The following LSM3 variants were observed in gnomAD, a reference collection of about 807,000 sequenced individuals.
LSM3 encodes LSM3 homolog, U6 small nuclear RNA and mRNA degradation associated.
A neutral mutation model predicts 15.4 loss-of-function variants in LSM3; 14 were observed. The observed-to-expected ratio is 0.91, with a 90% CI of 0.60 to 1.42. The LOEUF is 1.42. LSM3 is among the 40% of genes most tolerant of loss of function. LSM3 has a pLI of 0.00. For synonymous variants in LSM3, 46 were observed against 45.1 expected (o/e 1.02, Z -0.08); for missense variants, 88 against 127.9 (o/e 0.69, Z 1.50).
rs1574992296 is a variant in LSM3 at position 14,200,617 on chromosome 3, T to C, written c.*2501T>C. ...TATGAGAGGCCGATATGAATTGCCA[T>C]TGCCTCCCACAAAGAAAAATGGACA... On this transcript the variant is annotated 3_prime_UTR_variant, in exon 4 of 4. Coordinates refer to ENST00000306024, the MANE Select transcript of LSM3 (RefSeq NM_014463.3). The C allele has an allele frequency of 1.3e-5, 2 of 152,182 alleles. No homozygotes were observed. Among genetic ancestry groups the C allele is most frequent in the African/African-American group, 4.8e-5 (2 of 41,440 alleles). 9.4% of individuals were successfully genotyped at this position (152,182 alleles called of 1,614,324 possible).
intron 1 of LSM3, 88 bp downstream of exon 1, chr3:14,178,969 C>T: frequency 7.0e-7 from 1 of 1,428,222 alleles, no homozygotes; most frequent in South Asian, 1.1e-5. Flanking sequence ...AGTCGTGCCT[C>T]CTCTCTCCAA....
chr3:14,180,760 G>A (rs1335361272), intron 1 of LSM3, among the ~76,000 whole-genome samples: 1 of 139,172 alleles, frequency 7.2e-6, no homozygotes, highest in African/African-American at 2.7e-5. Context: ...GTTCATAAAT[G>A]TCAGGTCACA....
intron 1 of LSM3, among the ~76,000 whole-genome samples, chr3:14,179,100 A>AT (rs3731053): frequency 1.6e-4 from 25 of 152,080 alleles, no homozygotes; most frequent in African/African-American, 6.0e-4. Flanking sequence ...TCTTCGCTTC[A>AT]TTTTTTTAAA....
In LSM3 at chr3:14,200,434, C is replaced by T. The variant is rs1697224527; in HGVS notation, c.*2318C>T. The T allele has an allele frequency of 6.6e-6, 1 of 152,312 alleles. No individual in the cohort carries two copies. The allele number at this position is 152,312 out of a possible 1,614,324, so 9.4% of individuals were successfully genotyped here. A position where few individuals can be genotyped will look rare whatever the true frequency, so the allele number is the denominator to read the frequency against. On this transcript the variant is annotated 3_prime_UTR_variant, in exon 4 of 4. Coordinates refer to ENST00000306024, the MANE Select transcript of LSM3 (RefSeq NM_014463.3). ...GTGTGAGGGCCCCTGGGAGCCACGC[C>T]TTGGACTTCTGAGTCTGCAGAGCAC...
At chr3:14,181,012 C>T (rs545067071) in intron 1 of LSM3, among the ~76,000 whole-genome samples, 9 of 151,986 alleles carry the variant, frequency 5.9e-5, no homozygotes, top group African/African-American at 2.2e-4. Context: ...CCACCATGCC[C>T]GGCTAAGCCA....
chr3:14,196,008 A>G (rs1697184005), intron 3 of LSM3, among the ~76,000 whole-genome samples: 1 of 149,004 alleles, frequency 6.7e-6, no homozygotes, highest in Admixed American at 6.8e-5. Flanking sequence ...GCTGGAGTGC[A>G]GTGGCGCAAT....
At chr3:14,185,799 A>C (rs771578703) in intron 3 of LSM3, among the ~76,000 whole-genome samples, 3 of 152,236 alleles carry the variant, frequency 2.0e-5, no homozygotes, top group Non-Finnish European at 2.9e-5. Flanking sequence ...ATTTGGTTAC[A>C]TCAGGCACTG....
At chr3:14,190,658 T>C (rs1697130937) in intron 3 of LSM3, among the ~76,000 whole-genome samples, 1 of 152,248 alleles carries the variant, frequency 6.6e-6, no homozygotes, top group Non-Finnish European at 1.5e-5. Context: ...GAGACTTCGC[T>C]GAAGTTGCCT....
chr3:14,195,455 T>A (rs1351692151), intron 3 of LSM3, among the ~76,000 whole-genome samples: 1 of 151,260 alleles, frequency 6.6e-6, no homozygotes, highest in East Asian at 1.9e-4. Context: ...CAAAGGGCTT[T>A]AAAAAAAAAA....
At position 14,181,688 on chromosome 3, in the gene LSM3, G is replaced by C; in HGVS notation, c.132+18G>C. Reference sequence around the variant, plus strand: ...GATTACATGTAAGTAAATTTATCAAGTTACCTTGAAATCAGATTCCTTCCT... The same window carrying C: ...GATTACATGTAAGTAAATTTATCAACTTACCTTGAAATCAGATTCCTTCCT... On this transcript the variant is annotated intron_variant, in intron 2 of 3. Transcript: ENST00000306024. The C allele has an allele frequency of 6.5e-7, 1 of 1,544,452 alleles. No individual in the cohort carries two copies. The highest frequency in any genetic ancestry group is 9.0e-7 in the Non-Finnish European group (1 of 1,116,626).
intron 3 of LSM3, among the ~76,000 whole-genome samples, chr3:14,184,273 A>G (rs552806196): frequency 2.5e-4 from 38 of 152,296 alleles, no homozygotes; most frequent in Non-Finnish European, 3.4e-4. Context: ...CTCATTGGTG[A>G]GCAGGAATAC....
chr3:14,193,815 C>G (rs532293076), intron 3 of LSM3, among the ~76,000 whole-genome samples: 2 of 152,292 alleles, frequency 1.3e-5, no homozygotes, highest in South Asian at 4.1e-4. Context: ...TAGCTTTGTT[C>G]CCTTGCTGGC....
rs901915982 is a variant in LSM3, at chr3:14,200,789, T to C, written c.*2673T>C. The C allele has an allele frequency of 6.6e-6, 1 of 152,230 alleles. No homozygotes were observed. Among genetic ancestry groups the C allele is most frequent in the African/African-American group, 2.4e-5 (1 of 41,452 alleles). The allele number at this position is 152,230 out of a possible 1,614,324, so 9.4% of individuals were successfully genotyped here. A position where few individuals can be genotyped will look rare whatever the true frequency, so the allele number is the denominator to read the frequency against. Reference sequence around the variant, plus strand: ...TGAAGATTTGCCCAAACTAGAGTACTATCCCTCTTCACACTAAGAGGCAGA... The same window carrying C: ...TGAAGATTTGCCCAAACTAGAGTACCATCCCTCTTCACACTAAGAGGCAGA... On this transcript the variant is annotated 3_prime_UTR_variant, in exon 4 of 4. Transcript: ENST00000306024.
chr3:14,183,517 ATCT>A, intron 2 of LSM3, among the ~76,000 whole-genome samples: 1 of 152,352 alleles, frequency 6.6e-6, no homozygotes, highest in Admixed American at 6.5e-5. Context: ...AAAGGATTTT[ATCT>A]TCTTTACTGT....
intron 2 of LSM3, among the ~76,000 whole-genome samples, chr3:14,183,442 C>G (rs1697058592): frequency 6.6e-6 from 1 of 152,194 alleles, no homozygotes; most frequent in African/African-American, 2.4e-5. Flanking sequence ...CTTACTTTCT[C>G]TCTGCGACAT....
At chr3:14,193,425 A>T (rs1296837446) in intron 3 of LSM3, among the ~76,000 whole-genome samples, 1 of 152,200 alleles carries the variant, frequency 6.6e-6, no homozygotes, top group Non-Finnish European at 1.5e-5. Context: ...AATCAAATGT[A>T]GATTTGTTCT....
At chr3:14,196,130 T>TTA (rs1280611993) in intron 3 of LSM3, among the ~76,000 whole-genome samples, 1 of 151,856 alleles carries the variant, frequency 6.6e-6, no homozygotes, top group African/African-American at 2.4e-5. Context: ...TTTTTTTTTT[T>TTA]ATATTTTTAG....
Position 14,181,793 on chromosome 3 carries a change from C to T in LSM3, c.132+123C>T, listed in dbSNP as rs150795631. 9.4e-4 allele frequency: 629 copies of T among 671,158 alleles called. 5 individuals carry two copies. The African/African-American group carries it at 0.01, about 11-fold the overall frequency. 41.6% of individuals were successfully genotyped at this position (671,158 alleles called of 1,614,324 possible). ...GAAGAGAGGGTGGTGGAAAGTCACC[C>T]ATATCACATAAGCCAAATAAAGCGG... On this transcript the variant is annotated intron_variant, in intron 2 of 3. Transcript: ENST00000306024.
At chr3:14,182,779 T>G (rs183781939) in intron 2 of LSM3, among the ~76,000 whole-genome samples, 2 of 152,372 alleles carry the variant, frequency 1.3e-5, no homozygotes, top group Non-Finnish European at 2.9e-5. Flanking sequence ...TACTAATTAT[T>G]CCTGCTTTGC....
Sources: gnomAD v4.1 joint callset for allele counts (sites outside exome capture counted in the v4.1 genomes callset) on GRCh38, gnomAD v4.1.1 for gene constraint, MANE v1.5 for transcripts, NCBI Gene and HGNC (gene_info 2026-07-23, HGNC 2026-07-21) for gene names.